Variants in SOX6 observed in about 807,000 individuals in gnomAD.
The protein encoded by SOX6 is SRY-box transcription factor 6.
In SOX6, 11 loss-of-function variants were observed where a neutral mutation model predicts 97.8. The ratio of observed to expected loss-of-function variants is 0.11; its 90% CI spans 0.07 to 0.19. The LOEUF (loss-of-function observed/expected upper bound fraction) is 0.19, where lower values mean the gene tolerates loss of function less well. Ranked by LOEUF, SOX6 falls within the 10% of genes least tolerant of loss-of-function variation. The pLI, the probability that SOX6 is intolerant of heterozygous loss-of-function variation, is 1.00. For missense variants in SOX6, 810 were observed against 1,039.5 expected (o/e 0.78, Z 3.04); for synonymous variants, 360 against 371.4 (o/e 0.97, Z 0.35).
At chr11:16,007,523 T>A (rs1184715731) in intron 13 of SOX6, among the ~76,000 whole-genome samples, 1 of 152,074 alleles carries the variant, frequency 6.6e-6, no homozygotes, top group African/African-American at 2.4e-5. Context: ...AGAAACACAG[T>A]TATCAGAACA....
chr11:16,275,483 A>G (rs988948450), intron 3 of SOX6, among the ~76,000 whole-genome samples: 1 of 145,788 alleles, frequency 6.9e-6, no homozygotes, highest in African/African-American at 2.4e-5. Flanking sequence ...AAAACAAAAC[A>G]AAACAAAAAA....
At chr11:16,698,956 TC>T (rs1399270647) in intron 3 of SOX6, among the ~76,000 whole-genome samples, 1 of 152,202 alleles carries the variant, frequency 6.6e-6, no homozygotes, top group Non-Finnish European at 1.5e-5. Context: ...GCAAGAATTA[TC>T]TAAATGTGAC....
chr11:16,538,661 C>G (rs1861349688), intron 4 of SOX6, among the ~76,000 whole-genome samples: 1 of 151,940 alleles, frequency 6.6e-6, no homozygotes, highest in African/African-American at 2.4e-5. Context: ...AAAAAAAAAG[C>G]AGGGGTTGCA....
intron 3 of SOX6, among the ~76,000 whole-genome samples, chr11:16,681,836 C>G (rs544358929): frequency 3.3e-5 from 5 of 152,294 alleles, no homozygotes; most frequent in Non-Finnish European, 7.4e-5. Context: ...ATAAACACCT[C>G]TATACAAATA....
chr11:16,591,362 G>GATAGATAGATAGATAA lies in SOX6; in HGVS notation n.609+20718_609+20719insTTATCTATCTATCTAT, dbSNP rs1554976554. Among the ~76,000 whole-genome samples, 473 of 149,892 alleles carry GATAGATAGATAGATAA rather than the reference G, an allele frequency of 3.2e-3. 16 individuals are homozygous for GATAGATAGATAGATAA. Among genetic ancestry groups the GATAGATAGATAGATAA allele is most frequent in the East Asian group, 0.013 (67 of 5,032 alleles). On this transcript the variant is annotated intron_variant and non_coding_transcript_variant, in intron 4 of 5. Coordinates refer to the SOX6 transcript ENST00000524520. ...AGATAGATAGATAGACAGATAGATA[G>GATAGATAGATAGATAA]ATAGATAGATAGATTTCAGAAAGAT...
chr11:16,151,446 T>A (rs1038831542), intron 6 of SOX6, among the ~76,000 whole-genome samples: 1 of 152,184 alleles, frequency 6.6e-6, no homozygotes, highest in African/African-American at 2.4e-5. Context: ...ATTCACTGTC[T>A]TTGACATAAC....
intron 4 of SOX6, among the ~76,000 whole-genome samples, chr11:16,190,240 C>A (rs539604040): frequency 4.6e-5 from 7 of 152,214 alleles, no homozygotes; most frequent in African/African-American, 1.7e-4. Context: ...GAAGAAAATG[C>A]AGAAAGCAGT....
At chr11:16,520,064 G>C (rs1351494540) in intron 4 of SOX6, among the ~76,000 whole-genome samples, 5 of 152,052 alleles carry the variant, frequency 3.3e-5, no homozygotes, top group African/African-American at 1.2e-4. Context: ...TATTCTTGTT[G>C]ATTTGTGTAA....
chr11:16,100,789 AG>A (rs1848925522), intron 7 of SOX6, among the ~76,000 whole-genome samples: 1 of 151,392 alleles, frequency 6.6e-6, no homozygotes, highest in Non-Finnish European at 1.5e-5. Flanking sequence ...CATGGGTAAA[AG>A]TCTGTCAATT....
intron 6 of SOX6, among the ~76,000 whole-genome samples, chr11:16,132,340 AAG>A: frequency 1.3e-4 from 3 of 23,438 alleles, no homozygotes; most frequent in African/African-American, 4.0e-4. Flanking sequence ...GGAAAGAAAA[AAG>A]AAAGAAAGAA....
intron 10 of SOX6, among the ~76,000 whole-genome samples, chr11:16,051,983 G>GTA (rs1437802944): frequency 1.3e-5 from 2 of 151,002 alleles, no homozygotes; most frequent in East Asian, 3.9e-4. Context: ...AACCCATCTA[G>GTA]TATATATATA....
At chr11:16,370,823 T>C (rs1468230539) in intron 1 of SOX6, among the ~76,000 whole-genome samples, 2 of 152,116 alleles carry the variant, frequency 1.3e-5, no homozygotes, top group African/African-American at 4.8e-5. Context: ...GAGTTCTTCA[T>C]TCAACATATA....
intron 13 of SOX6, among the ~76,000 whole-genome samples, chr11:16,014,432 G>T (rs574046020): frequency 1.3e-5 from 2 of 152,052 alleles, no homozygotes; most frequent in Admixed American, 1.3e-4. Flanking sequence ...TCCCCAAAAT[G>T]GTTTGATTGT....
chr11:16,016,486 A>G (rs762054706), intron 12 of SOX6, among the ~76,000 whole-genome samples: 32 of 152,032 alleles, frequency 2.1e-4, no homozygotes, highest in Non-Finnish European at 3.7e-4. Context: ...CTCTCATAAA[A>G]AACAGAATGA....
intron 1 of SOX6, among the ~76,000 whole-genome samples, chr11:16,417,447 A>C (rs939541346): frequency 2.0e-5 from 3 of 152,218 alleles, no homozygotes; most frequent in African/African-American, 7.2e-5. Flanking sequence ...CAGCCAGTTC[A>C]GGCTTCTGCC....
chr11:16,345,842 A>T (rs1856763278), intron 1 of SOX6, among the ~76,000 whole-genome samples: 1 of 152,006 alleles, frequency 6.6e-6, no homozygotes, highest in Non-Finnish European at 1.5e-5. Context: ...TCAAAATTAC[A>T]TTTTTTTATT....
chr11:16,235,079 C>G (rs1852975713), intron 3 of SOX6, among the ~76,000 whole-genome samples: 1 of 151,770 alleles, frequency 6.6e-6, no homozygotes. Context: ...GTGCAAGAAA[C>G]AATAACAGAT....
chr11:16,602,397 T>C (rs762390949), intron 4 of SOX6, among the ~76,000 whole-genome samples: 1 of 152,222 alleles, frequency 6.6e-6, no homozygotes, highest in Non-Finnish European at 1.5e-5. Flanking sequence ...GACCTAATAA[T>C]TGTGATGCAC....
chr11:16,114,438 T>C (rs1400287752), intron 6 of SOX6, among the ~76,000 whole-genome samples: 1 of 152,208 alleles, frequency 6.6e-6, no homozygotes, highest in Non-Finnish European at 1.5e-5. Flanking sequence ...AAAGTATCTC[T>C]TGTGGCACAG....
Sources: gnomAD v4.1 joint callset for allele counts (sites outside exome capture counted in the v4.1 genomes callset) on GRCh38, gnomAD v4.1.1 for gene constraint, MANE v1.5 for transcripts, NCBI Gene and HGNC (gene_info 2026-07-23, HGNC 2026-07-21) for gene names.